The following TUBA1C variants were observed in gnomAD, a reference collection of about 807,000 sequenced individuals.
TUBA1C encodes tubulin alpha 1c.
TUBA1C carries 16 observed loss-of-function variants against 34.9 expected under a neutral mutation model. The observed-to-expected ratio is 0.46, with a 90% CI of 0.31 to 0.70. TUBA1C has a LOEUF of 0.70. TUBA1C is among the 30% of genes least tolerant of loss of function. The pLI, the probability that TUBA1C is intolerant of heterozygous loss-of-function variation, is 0.05. For missense variants in TUBA1C, 329 were observed against 587.3 expected, an observed-to-expected ratio of 0.56 and a Z score of 4.55; for synonymous variants, 177 against 215.9, an observed-to-expected ratio of 0.82 and a Z score of 1.58.
chr12:49,270,902 A>C (rs1334560210), intron 3 of TUBA1C, among the ~76,000 whole-genome samples: 13 of 151,994 alleles, frequency 8.6e-5, no homozygotes, highest in East Asian at 5.8e-4. Flanking sequence ...TGGCGTGAAC[A>C]CGGGAGGCGG....
At chr12:49,237,731 C>A (rs1221285706) in intron 1 of TUBA1C, among the ~76,000 whole-genome samples, 1 of 144,872 alleles carries the variant, frequency 6.9e-6, no homozygotes, top group Non-Finnish European at 1.5e-5. Context: ...GTGACAGAGA[C>A]CCTGTCAAAA....
At chr12:49,250,288 G>T (rs1266585585) in intron 1 of TUBA1C, among the ~76,000 whole-genome samples, 2 of 152,098 alleles carry the variant, frequency 1.3e-5, no homozygotes, top group Non-Finnish European at 2.9e-5. Context: ...ACTTTGGGAG[G>T]CCCAGGCAGG....
intron 1 of TUBA1C, among the ~76,000 whole-genome samples, chr12:49,259,972 C>T (rs901524288): frequency 1.3e-5 from 2 of 152,184 alleles, no homozygotes; most frequent in South Asian, 4.1e-4. Flanking sequence ...AGAAGTTAGT[C>T]GCAGGGAAAG....
chr12:49,245,711 A>T (rs540191755), intron 1 of TUBA1C, among the ~76,000 whole-genome samples: 1 of 152,196 alleles, frequency 6.6e-6, no homozygotes, highest in African/African-American at 2.4e-5. Flanking sequence ...CAGCAAGAGG[A>T]TTTTGCCAGG....
intron 1 of TUBA1C, among the ~76,000 whole-genome samples, chr12:49,251,774 T>TA (rs74892388): frequency 1.3e-3 from 170 of 133,508 alleles, no homozygotes; most frequent in Middle Eastern, 7.6e-3. Context: ...ACTCGGTATT[T>TA]AAAAAAAAAA....
upstream of TUBA1C, chr12:49,264,838 C>CCTCCCCTTT: frequency 6.8e-6 from 1 of 147,478 alleles, no homozygotes; most frequent in South Asian, 2.4e-4. Context: ...TCCTCCCCTT[C>CCTCCCCTTT]CTCCCCTTCC....
At chr12:49,259,271 C>T (rs934067873) in intron 1 of TUBA1C, among the ~76,000 whole-genome samples, 9 of 150,724 alleles carry the variant, frequency 6.0e-5, no homozygotes, top group African/African-American at 1.2e-4. Flanking sequence ...CTCACTGTGT[C>T]GCCCAGGCTG....
At chr12:49,241,225 T>C (rs1033101515) in intron 1 of TUBA1C, among the ~76,000 whole-genome samples, 1 of 152,072 alleles carries the variant, frequency 6.6e-6, no homozygotes, top group African/African-American at 2.4e-5. Flanking sequence ...TATAATACCA[T>C]ATATAATATG....
In TUBA1C at chr12:49,255,405, A is replaced by AATATATATAT. The variant is rs142218984; in HGVS notation, c.214-14043_214-14034dup. Among the ~76,000 whole-genome samples, 76 of 141,302 alleles carry AATATATATAT rather than the reference A, an allele frequency of 5.4e-4. 1 individual carries two copies. The highest frequency in any genetic ancestry group is 1.3e-3 in the African/African-American group (52 of 39,160). The allele number at this position is 141,302 out of a possible 152,430, so 92.7% of individuals were successfully genotyped here. A position where few individuals can be genotyped will look rare whatever the true frequency, so the allele number is the denominator to read the frequency against. On this transcript the variant is annotated intron_variant, in intron 1 of 3. Coordinates refer to the TUBA1C transcript ENST00000541364. ...CCAGCAGCTGAACTTATCTTTAAAA[A>AATATATATAT]ATATATATATATATATATATATATA...
In TUBA1C at chr12:49,265,962, AAAAAAAAAAAC is replaced by A. The variant is rs1267640218; in HGVS notation, c.3+788_3+798del. 1.4e-3 allele frequency among the ~76,000 whole-genome samples: 191 copies of A among 141,360 alleles called. 3 individuals carry two copies. The highest frequency in any genetic ancestry group is 5.0e-3 in the African/African-American group (185 of 37,152). The allele number at this position is 141,360 out of a possible 152,430, so 92.7% of individuals were successfully genotyped here. ...GTGAAACCCCGTCTCTACTTTAAAAAAAAAAAAAAACAAAAAAAAACGCTGGGCGTGGTGGC... is the reference window on the plus strand; with the variant it reads ...GTGAAACCCCGTCTCTACTTTAAAAAAAAAAAAAACGCTGGGCGTGGTGGC... On this transcript the variant is annotated intron_variant, in intron 1 of 3. Transcript: ENST00000301072.
intron 3 of TUBA1C, 186 bp downstream of exon 3, chr12:49,270,162 GAAGT>G (rs1942972576): frequency 1.6e-6 from 2 of 1,245,592 alleles, no homozygotes; most frequent in Middle Eastern, 2.6e-4. Flanking sequence ...CTATGGGGTA[GAAGT>G]AAGTGCTCTT....
chr12:49,256,586 C>T (rs568373461), intron 1 of TUBA1C: 8 of 288,084 alleles, frequency 2.8e-5, no homozygotes, highest in African/African-American at 4.4e-5. Flanking sequence ...CTATCAGAAA[C>T]ACACAAAGAA....
chr12:49,258,844 C>A (rs977532913), intron 1 of TUBA1C, among the ~76,000 whole-genome samples: 1 of 151,796 alleles, frequency 6.6e-6, no homozygotes, highest in African/African-American at 2.4e-5. Context: ...GCAACCTCCA[C>A]CTTCCAGGTT....
At position 49,273,238 on chromosome 12, in the gene TUBA1C, G is replaced by A. The variant is rs201038906; in HGVS notation, c.*11G>A. The A allele has an allele frequency of 2.6e-5, 42 of 1,614,192 alleles. No individual in the cohort carries two copies. In the African/African-American group the frequency reaches 4.3e-4, roughly 16 times the overall value. On this transcript the variant is annotated 3_prime_UTR_variant, in exon 4 of 4. Transcript: ENST00000301072. ...GGTGAAGAGTATTAACCTGTGTGCT[G>A]TACTTTTACACTCCTTTGTCTTGGA...
chr12:49,234,371 T>C (rs1942527584), intron 1 of TUBA1C, among the ~76,000 whole-genome samples: 1 of 152,266 alleles, frequency 6.6e-6, no homozygotes, highest in South Asian at 2.1e-4. Flanking sequence ...CCACCCTGTT[T>C]AGCTGTGGCA....
intron 1 of TUBA1C, among the ~76,000 whole-genome samples, chr12:49,258,364 A>T (rs987803185): frequency 6.6e-6 from 1 of 152,078 alleles, no homozygotes; most frequent in Admixed American, 6.6e-5. Flanking sequence ...ACTTGAGCCC[A>T]GGAGTTTGTG....
intron 1 of TUBA1C, among the ~76,000 whole-genome samples, chr12:49,248,398 G>A (rs370469339): frequency 3.3e-5 from 5 of 151,198 alleles, no homozygotes; most frequent in East Asian, 3.9e-4. Flanking sequence ...GGTGAAACCC[G>A]TCTCTACAAA....
chr12:49,238,981 T>C (rs1304318063), intron 1 of TUBA1C, among the ~76,000 whole-genome samples: 1 of 152,174 alleles, frequency 6.6e-6, no homozygotes, highest in Admixed American at 6.5e-5. Context: ...GATTAAACCA[T>C]TGGCCATTTG....
intron 1 of TUBA1C, among the ~76,000 whole-genome samples, chr12:49,245,846 G>A (rs1418620359): frequency 1.3e-5 from 2 of 152,192 alleles, no homozygotes; most frequent in South Asian, 4.1e-4. Flanking sequence ...GCATCTTCCT[G>A]TCTAAACTTC....
Sources: gnomAD v4.1 joint callset for allele counts (sites outside exome capture counted in the v4.1 genomes callset) on GRCh38, gnomAD v4.1.1 for gene constraint, MANE v1.5 for transcripts, NCBI Gene and HGNC (gene_info 2026-07-23, HGNC 2026-07-21) for gene names.